Variants in OSBPL1A observed in about 807,000 individuals in gnomAD.
The protein encoded by OSBPL1A is oxysterol-binding protein-related protein 1.
In OSBPL1A, 80 loss-of-function variants were observed where a neutral mutation model predicts 137.1. The observed-to-expected ratio is 0.58, with a 90% CI of 0.49 to 0.70. The LOEUF is 0.70. OSBPL1A is among the 30% of genes least tolerant of loss of function. The pLI is 0.00. For synonymous variants in OSBPL1A, 365 were observed against 389.7 expected (o/e 0.94, Z 0.75); for missense variants, 970 against 1,129.4 (o/e 0.86, Z 2.02).
At chr18:24,262,747 TCCC>T (rs2089470956) in intron 15 of OSBPL1A, among the ~76,000 whole-genome samples, 1 of 117,922 alleles carries the variant, frequency 8.5e-6, no homozygotes, top group Non-Finnish European at 1.6e-5. Context: ...ACGGTCACTC[TCCC>T]CCATGTGCCC....
At chr18:24,220,761 G>A (rs538527589) in intron 17 of OSBPL1A, among the ~76,000 whole-genome samples, 34 of 152,038 alleles carry the variant, frequency 2.2e-4, no homozygotes, top group African/African-American at 6.3e-4. Context: ...ATCTAATGAC[G>A]TCTGAGCCCA....
At chr18:24,256,509 CA>C (rs2089279051) in intron 15 of OSBPL1A, among the ~76,000 whole-genome samples, 1 of 152,130 alleles carries the variant, frequency 6.6e-6, no homozygotes. Context: ...CAGCTAGTAT[CA>C]TACTAAATGA....
intron 15 of OSBPL1A, among the ~76,000 whole-genome samples, chr18:24,278,221 A>T (rs1053366019): frequency 3.3e-5 from 5 of 152,248 alleles, no homozygotes; most frequent in Admixed American, 2.0e-4. Flanking sequence ...CTTGTCATTT[A>T]AACAACAAGA....
intron 14 of OSBPL1A, among the ~76,000 whole-genome samples, chr18:24,302,951 G>A (rs1013675114): frequency 3.3e-5 from 5 of 151,784 alleles, no homozygotes; most frequent in Non-Finnish European, 5.9e-5. Context: ...AAGTGGAAGA[G>A]TAAGGATTCA....
intron 1 of OSBPL1A, among the ~76,000 whole-genome samples, chr18:24,394,809 T>A (rs548870499): frequency 2.6e-5 from 3 of 116,978 alleles, no homozygotes; most frequent in African/African-American, 8.1e-5. Flanking sequence ...TACGAAATTG[T>A]ACAGTTAAAG....
intron 17 of OSBPL1A, among the ~76,000 whole-genome samples, chr18:24,209,305 G>A (rs905699105): frequency 6.6e-6 from 1 of 152,046 alleles, no homozygotes; most frequent in African/African-American, 2.4e-5. Context: ...AATGGCTAAG[G>A]AAAACATGCA....
At chr18:24,362,101 A>G (rs942185881) in intron 4 of OSBPL1A, among the ~76,000 whole-genome samples, 16 of 152,200 alleles carry the variant, frequency 1.1e-4, no homozygotes, top group Middle Eastern at 3.4e-3. Context: ...GGAAGAGTAT[A>G]GTTTCCTTCC....
At chr18:24,232,165 G>C (rs1483050620) in intron 16 of OSBPL1A, among the ~76,000 whole-genome samples, 1 of 152,142 alleles carries the variant, frequency 6.6e-6, no homozygotes, top group African/African-American at 2.4e-5. Context: ...AGGTACAACT[G>C]CATAAACTCA....
In OSBPL1A at chr18:24,189,121, C is replaced by T. The variant is rs534721355; in HGVS notation, c.1677+7004G>A. On this transcript the variant is annotated intron_variant, in intron 18 of 27. Transcript: ENST00000319481. ...TTTATCCATGCAAATTAATAGCAACCTATGATGAAACTGCAGAAACTCCTA... is the reference window on the plus strand; with the variant it reads ...TTTATCCATGCAAATTAATAGCAACTTATGATGAAACTGCAGAAACTCCTA... 5.9e-5 allele frequency among the ~76,000 whole-genome samples: 9 copies of T among 152,288 alleles called. No homozygotes were observed. In the South Asian group the frequency reaches 1.9e-3, roughly 32 times the overall value.
intron 17 of OSBPL1A, among the ~76,000 whole-genome samples, chr18:24,210,193 G>A (rs181636715): frequency 2.9e-4 from 44 of 152,180 alleles, no homozygotes; most frequent in Non-Finnish European, 5.0e-4. Context: ...TTGGGAGGCC[G>A]AGGCAGGTGG....
intron 15 of OSBPL1A, among the ~76,000 whole-genome samples, chr18:24,268,328 G>A (rs889240830): frequency 6.6e-6 from 1 of 151,930 alleles, no homozygotes; most frequent in Non-Finnish European, 1.5e-5. Flanking sequence ...CTATGCTGCT[G>A]AGGCTGGTCT....
intron 18 of OSBPL1A, among the ~76,000 whole-genome samples, chr18:24,187,030 A>T (rs1435306051): frequency 6.6e-6 from 1 of 152,170 alleles, no homozygotes; most frequent in African/African-American, 2.4e-5. Context: ...GATGCTAGTC[A>T]TAAAATGGAT....
chr18:24,268,344 T>A (rs2089633632), intron 15 of OSBPL1A, among the ~76,000 whole-genome samples: 1 of 152,064 alleles, frequency 6.6e-6, no homozygotes, highest in South Asian at 2.1e-4. Context: ...GGTCTCAAAT[T>A]CCTGAGCTCA....
intron 21 of OSBPL1A, among the ~76,000 whole-genome samples, chr18:24,177,486 T>C (rs2086479508): frequency 6.6e-6 from 1 of 152,224 alleles, no homozygotes; most frequent in African/African-American, 2.4e-5. Context: ...CTTTGGGTTG[T>C]TGCTTTGTCT....
chr18:24,231,024 G>A (rs1315336952), intron 16 of OSBPL1A, among the ~76,000 whole-genome samples: 3 of 152,158 alleles, frequency 2.0e-5, no homozygotes, highest in African/African-American at 4.8e-5. Flanking sequence ...GGCTGAGGTG[G>A]AGGATCACTT....
rs200022346 is a variant in OSBPL1A, at chr18:24,175,135, T to TAC, written c.2094-2654_2094-2653dup. Among the ~76,000 whole-genome samples, 6 of 96,644 alleles carry TAC rather than the reference T, an allele frequency of 6.2e-5. 1 individual carries two copies. The highest frequency in any genetic ancestry group is 3.5e-4 in the South Asian group (1 of 2,884). The allele number at this position is 96,644 out of a possible 152,430, so 63.4% of individuals were successfully genotyped here. A position where few individuals can be genotyped will look rare whatever the true frequency, so the allele number is the denominator to read the frequency against. On this transcript the variant is annotated intron_variant, in intron 21 of 27. Transcript: ENST00000319481. ...ATATATATATATATATATATATATATACACATATATATATATATATGAAGT... is the reference window on the plus strand; with the variant it reads ...ATATATATATATATATATATATATATACACACATATATATATATATATGAAGT...
rs564510667 is a variant in OSBPL1A at position 24,213,697 on chromosome 18, G to A, written c.1601+11345C>T. ...AATTACTTATCTATAGTCTATGATT[G>A]CCACTTAACAAATCTGGCTCTACAC... On this transcript the variant is annotated intron_variant, in intron 17 of 27. Transcript: ENST00000319481. Among the ~76,000 whole-genome samples the A allele has an allele frequency of 2.0e-5, 3 of 152,036 alleles. No individual in the cohort carries two copies. The East Asian group carries it at 5.8e-4, about 29-fold the overall frequency.
intron 21 of OSBPL1A, among the ~76,000 whole-genome samples, chr18:24,175,979 T>C (rs1412084496): frequency 3.3e-5 from 5 of 152,244 alleles, no homozygotes; most frequent in Admixed American, 1.3e-4. Context: ...CTGGATTCCC[T>C]TCCCCGTCGC....
intron 15 of OSBPL1A, among the ~76,000 whole-genome samples, chr18:24,276,137 G>A (rs151133339): frequency 2.0e-5 from 3 of 152,168 alleles, no homozygotes; most frequent in African/African-American, 7.2e-5. Context: ...TAAATGGGCA[G>A]TTCTTACCTT....
Sources: allele counts gnomAD v4.1 joint callset (sites outside exome capture counted in the v4.1 genomes callset), GRCh38; gene constraint gnomAD v4.1.1; transcripts MANE v1.5; gene names NCBI Gene and HGNC (gene_info 2026-07-23, HGNC 2026-07-21).